IGSF21: variants seen among roughly 807,000 people sequenced by gnomAD.
IGSF21 encodes immunoglobulin superfamily member 21.
In IGSF21, 28 loss-of-function variants were observed where a neutral mutation model predicts 46.8. That is an observed-to-expected ratio of 0.60 (90% CI 0.44 to 0.82). The LOEUF is 0.82. IGSF21 is among the 40% of genes least tolerant of loss of function. The pLI, the probability that IGSF21 is intolerant of heterozygous loss-of-function variation, is 0.00. For missense variants in IGSF21, 624 were observed against 665.5 expected (o/e 0.94, Z 0.69); for synonymous variants, 284 against 273.6 (o/e 1.04, Z -0.38).
intron 4 of IGSF21, among the ~76,000 whole-genome samples, chr1:18,341,109 C>G (rs1217583967): frequency 2.7e-5 from 4 of 147,430 alleles, no homozygotes; most frequent in African/African-American, 1.0e-4. Context: ...TCCTCCTCCC[C>G]CTCCTTCTCC....
intron 4 of IGSF21, among the ~76,000 whole-genome samples, chr1:18,359,604 G>A (rs2086078817): frequency 2.0e-5 from 3 of 152,136 alleles, no homozygotes; most frequent in Admixed American, 2.0e-4. Context: ...GATTTTAAAG[G>A]AGTCGCCTGC....
In IGSF21 at chr1:18,365,411, G is replaced by A. The variant is rs371864848; in HGVS notation, c.729G>A (p.Thr243=). 8.7e-5 allele frequency: 141 copies of A among 1,613,634 alleles called. No homozygotes were observed. In the Admixed American group the frequency reaches 2.1e-3, roughly 24 times the overall value. ...DAENRGGRPY[T]ERPSRGLTPD... is the part of the protein sequence containing the mutation. ...AGAACCGGGGTGGGCGACCCTACAC[G>A]GAGCGCCCCTCCCGTGGCCTGACCC... The change falls in exon 6 of 10, where the codon ACG becomes ACA. Residue 243 remains threonine (T), a synonymous_variant. Coordinates refer to ENST00000251296, the MANE Select transcript of IGSF21 (RefSeq NM_032880.5). This position sits in a 1 kb window ranked among gnomAD's most constrained non-coding sequence, Gnocchi z 4.8.
chr1:18,185,500 A>T (rs529018427), intron 1 of IGSF21, among the ~76,000 whole-genome samples: 3 of 152,344 alleles, frequency 2.0e-5, no homozygotes, highest in African/African-American at 7.2e-5. Flanking sequence ...TCACTCAGGC[A>T]TTGCTCGGGC....
chr1:18,210,838 C>T (rs958299197), intron 1 of IGSF21, among the ~76,000 whole-genome samples: 13 of 152,122 alleles, frequency 8.5e-5, no homozygotes, highest in Admixed American at 1.3e-4. Context: ...TTGAGAACCA[C>T]TCTGCTTTCT....
chr1:18,190,041 C>A (rs1421936655), intron 1 of IGSF21, among the ~76,000 whole-genome samples: 1 of 152,188 alleles, frequency 6.6e-6, no homozygotes, highest in Non-Finnish European at 1.5e-5. Context: ...CCACCCTCAG[C>A]CCTCTTCCTG....
intron 2 of IGSF21, among the ~76,000 whole-genome samples, chr1:18,246,703 T>C (rs1171153225): frequency 6.6e-6 from 1 of 152,214 alleles, no homozygotes; most frequent in Non-Finnish European, 1.5e-5. Flanking sequence ...GTGTGGTTTG[T>C]GGCAACCTGT....
intron 4 of IGSF21, among the ~76,000 whole-genome samples, chr1:18,351,097 G>A (rs2085948141): frequency 6.6e-6 from 1 of 152,100 alleles, no homozygotes; most frequent in African/African-American, 2.4e-5. Flanking sequence ...CCAGGGAGGG[G>A]GAAATGACGG....
chr1:18,130,337 GGAAGA>G (rs1360645189), intron 1 of IGSF21, among the ~76,000 whole-genome samples: 1 of 152,192 alleles, frequency 6.6e-6, no homozygotes, highest in Admixed American at 6.5e-5. Context: ...AAGACTGGGA[GGAAGA>G]GAAAAGACAG....
chr1:18,121,635 C>G (rs1046638649), intron 1 of IGSF21, among the ~76,000 whole-genome samples: 1 of 152,192 alleles, frequency 6.6e-6, no homozygotes, highest in African/African-American at 2.4e-5. Context: ...TGCCATCTGT[C>G]GGATCTGCCA....
intron 1 of IGSF21, among the ~76,000 whole-genome samples, chr1:18,168,319 C>G (rs542526309): frequency 6.6e-6 from 1 of 152,138 alleles, no homozygotes; most frequent in Non-Finnish European, 1.5e-5. Flanking sequence ...TATACGGAGG[C>G]TTTTATGGCT....
intron 2 of IGSF21, among the ~76,000 whole-genome samples, chr1:18,282,635 TACACACAC>T (rs10522294): frequency 4.6e-4 from 64 of 137,646 alleles, no homozygotes; most frequent in African/African-American, 1.4e-3. Context: ...TCCCCTTACA[TACACACAC>T]ACACACACAC....
chr1:18,186,738 G>T (rs917623309), intron 1 of IGSF21, among the ~76,000 whole-genome samples: 2 of 152,122 alleles, frequency 1.3e-5, no homozygotes, highest in Admixed American at 1.3e-4. Flanking sequence ...TTTTGCAGAG[G>T]GGGTTCAGTC....
At chr1:18,118,465 G>A (rs868542549) in intron 1 of IGSF21, among the ~76,000 whole-genome samples, 6 of 152,214 alleles carry the variant, frequency 3.9e-5, no homozygotes, top group South Asian at 2.1e-4. Flanking sequence ...TGGTTTTGTC[G>A]AGTGGGTATT....
chr1:18,272,996 C>G (rs1424512058), intron 2 of IGSF21, among the ~76,000 whole-genome samples: 1 of 150,550 alleles, frequency 6.6e-6, no homozygotes, highest in Non-Finnish European at 1.5e-5. Flanking sequence ...TCCTTGCCCC[C>G]ACTGGGCCCT....
intron 2 of IGSF21, among the ~76,000 whole-genome samples, chr1:18,256,810 T>C (rs529200320): frequency 6.6e-6 from 1 of 152,288 alleles, no homozygotes; most frequent in African/African-American, 2.4e-5. Context: ...GACTTTTCCA[T>C]CCGCTAGCCT....
intron 2 of IGSF21, among the ~76,000 whole-genome samples, chr1:18,282,176 G>A (rs1253902774): frequency 3.3e-5 from 5 of 152,098 alleles, no homozygotes; most frequent in East Asian, 1.9e-4. Flanking sequence ...TGGGGGTTCC[G>A]GACTGTGTAT....
At chr1:18,233,525 T>C (rs922327692) in intron 2 of IGSF21, among the ~76,000 whole-genome samples, 8 of 152,158 alleles carry the variant, frequency 5.3e-5, no homozygotes, top group African/African-American at 1.9e-4. Flanking sequence ...TCACCTGAAA[T>C]TGGGCATGAA....
chr1:18,176,273 G>C (rs1360666714), intron 1 of IGSF21: 2 of 152,230 alleles, frequency 1.3e-5, no homozygotes, highest in African/African-American at 2.4e-5. Flanking sequence ...AGGCATCCTA[G>C]CTTAAAGATA....
At chr1:18,362,731 G>A (rs1569879274) in intron 5 of IGSF21, among the ~76,000 whole-genome samples, 1 of 152,296 alleles carries the variant, frequency 6.6e-6, no homozygotes, top group East Asian at 1.9e-4. Context: ...CGAGAAGGAA[G>A]GGAGAAAGGG....
Sources: gnomAD v4.1 joint callset for allele counts (sites outside exome capture counted in the v4.1 genomes callset) on GRCh38, gnomAD v4.1.1 for gene constraint, Gnocchi (gnomAD v3.1) non-coding constraint, MANE v1.5 for transcripts, NCBI Gene and HGNC (gene_info 2026-07-23, HGNC 2026-07-21) for gene names.